CAPN5: variants seen among roughly 807,000 people sequenced by gnomAD.
CAPN5 encodes the protein calpain-5.
Under a neutral mutation model 73.0 loss-of-function variants are expected in CAPN5, and 54 were observed. That is an observed-to-expected ratio of 0.74 (90% CI 0.59 to 0.93). The LOEUF (loss-of-function observed/expected upper bound fraction) is 0.93, where lower values mean the gene tolerates loss of function less well. Ranked by LOEUF, CAPN5 falls within the 40% of genes least tolerant of loss-of-function variation. The pLI, the probability that CAPN5 is intolerant of heterozygous loss-of-function variation, is 0.00. For synonymous variants in CAPN5, 335 were observed against 356.9 expected (o/e 0.94, Z 0.69); for missense variants, 785 against 882.9 (o/e 0.89, Z 1.41).
chr11:77,122,653 G>C lies in CAPN5; in HGVS notation c.1681G>C (p.Glu561Gln). The change falls in exon 12 of 13, where the codon GAG becomes CAG. Residue 561 changes from glutamate (E) to glutamine (Q), a missense_variant. Coordinates refer to ENST00000648180, the MANE Select transcript of CAPN5 (RefSeq NM_004055.5). ...SAVQKGTSTP[E>Q]YNVKGIFYRK... ...TGTGCAGAAGGGCACCTCCACACCA[G>C]AGTACAATGTGAAAGGCATCTTCTA... is the stretch of plus-strand genomic sequence containing the variant. 6.2e-7 allele frequency: 1 copy of C among 1,611,684 alleles called. No individual in the cohort carries two copies. Among genetic ancestry groups the C allele is most frequent in the Non-Finnish European group, 8.5e-7 (1 of 1,178,650 alleles).
chr11:77,119,445 G>C (rs1555042346), intron 9 of CAPN5: 2 of 397,048 alleles, frequency 5.0e-6, no homozygotes, highest in African/African-American at 4.0e-5. Flanking sequence ...CTGGTGGTTG[G>C]GGCCGGGCCC....
rs1173308317 is a variant in CAPN5, at chr11:77,115,535, C to A, written c.840C>A (p.Ile280=). 1 of 1,613,068 alleles carries A rather than the reference C, an allele frequency of 6.2e-7. No individual in the cohort carries two copies. Among genetic ancestry groups the A allele is most frequent in the Non-Finnish European group, 8.5e-7 (1 of 1,179,968 alleles). ...TCAAGTCAGAGAAGTTGGACATGATCCGCCTGCGCAACCCCTGGGGCGAGC... is the reference window on the plus strand; with the variant it reads ...TCAAGTCAGAGAAGTTGGACATGATACGCCTGCGCAACCCCTGGGGCGAGC... The part of the protein sequence containing the change: ...AFFKSEKLDM[I]RLRNPWGERE... Residue 280 remains isoleucine, a synonymous_variant, in exon 6 of 13, where the codon ATC becomes ATA. Transcript: ENST00000648180.
In CAPN5 at chr11:77,118,148, C is replaced by T. The variant is rs1555042048; in HGVS notation, c.972-9C>T. ...GGAGGTACCCTGCTCAGCCCCTCCC[C>T]ACATCCAGGATGACCTTCGAGGACG... On this transcript the variant is annotated splice_polypyrimidine_tract_variant and intron_variant, in intron 7 of 12. Transcript: ENST00000648180. 11 of 1,606,838 alleles carry T rather than the reference C, an allele frequency of 6.8e-6. 1 individual carries two copies. In the Admixed American group the frequency reaches 1.8e-4, roughly 27 times the overall value.
intron 8 of CAPN5, 55 bp from the exon 9 acceptor site, chr11:77,118,975 A>G (rs1950495473): frequency 2.6e-6 from 4 of 1,565,812 alleles, no homozygotes; most frequent in Non-Finnish European, 8.7e-7. Context: ...CAGCCAGCCC[A>G]TGCCTGGTGT....
At chr11:77,118,890 C>T (rs1424794775) in intron 8 of CAPN5, 140 bp from the exon 9 acceptor site, 1 of 927,360 alleles carries the variant, frequency 1.1e-6, no homozygotes, top group Non-Finnish European at 1.6e-6. Flanking sequence ...GGTAGGCCCA[C>T]CTCACAGCAG....
chr11:77,116,401 G>A (rs2135481045), intron 7 of CAPN5, 98 bp downstream of exon 7: 3 of 847,902 alleles, frequency 3.5e-6, no homozygotes, highest in Middle Eastern at 2.7e-4. Flanking sequence ...GGCCTCTCCT[G>A]CATGCCCCAT....
At chr11:77,073,211 T>G in intron 1 of CAPN5, 1 of 854,548 alleles carries the variant, frequency 1.2e-6, no homozygotes, top group Non-Finnish European at 1.7e-6. Context: ...GTTAAAACTG[T>G]GGTGAGCTGC....
At chr11:77,077,435 G>T (rs956044273) in intron 1 of CAPN5, among the ~76,000 whole-genome samples, 2 of 151,640 alleles carry the variant, frequency 1.3e-5, no homozygotes, top group African/African-American at 4.8e-5. Flanking sequence ...TCACACTTTT[G>T]TCTTTTTTAT....
At chr11:77,068,688 TTCTGCTC>T (rs1328608799) in intron 1 of CAPN5, among the ~76,000 whole-genome samples, 1 of 152,128 alleles carries the variant, frequency 6.6e-6, no homozygotes, top group African/African-American at 2.4e-5. Context: ...GGGCCCTCCC[TTCTGCTC>T]TCCTCTGCTC....
At position 77,102,915 on chromosome 11, in the gene CAPN5, C is replaced by A. The variant is rs2233546; in HGVS notation, c.297+9102C>A. The A allele has an allele frequency of 1.4e-4, 224 of 1,612,732 alleles. No individual in the cohort carries two copies. The African/African-American group carries it at 2.5e-3, about 18-fold the overall frequency. ...GGACCAGGGCCTGACCAGGCAGATG[C>A]GGCTACGCGTGGAGAGCCTGAAGCA... On this transcript the variant is annotated intron_variant, in intron 3 of 12. Coordinates refer to ENST00000648180, the MANE Select transcript of CAPN5 (RefSeq NM_004055.5).
chr11:77,102,772 C>G, intron 3 of CAPN5: 1 of 1,454,508 alleles, frequency 6.9e-7, no homozygotes, highest in South Asian at 1.4e-5. Context: ...TTGGTGGCCT[C>G]TTCTCTCCAC....
chr11:77,101,079 C>T (rs1000267923), intron 3 of CAPN5, among the ~76,000 whole-genome samples: 2 of 152,230 alleles, frequency 1.3e-5, no homozygotes, highest in East Asian at 1.9e-4. Flanking sequence ...GCTTGTGTCC[C>T]GTGGTCCATC....
At position 77,120,586 on chromosome 11, in the gene CAPN5, G is replaced by T. The variant is rs543852094; in HGVS notation, c.1291-127G>T. 18 of 630,496 alleles carry T rather than the reference G, an allele frequency of 2.9e-5. No individual in the cohort carries two copies. In the South Asian group the frequency reaches 3.0e-4, roughly 10 times the overall value. 39.1% of individuals were successfully genotyped at this position (630,496 alleles called of 1,614,324 possible). A position where few individuals can be genotyped will look rare whatever the true frequency, so the allele number is the denominator to read the frequency against. On this transcript the variant is annotated intron_variant, in intron 9 of 12. Transcript: ENST00000648180. Reference sequence around the variant, plus strand: ...AATCCGCTTCTGTTATTATAGATTTGCCTGTTCCGGACATTTCATATAAAG... The same window carrying T: ...AATCCGCTTCTGTTATTATAGATTTTCCTGTTCCGGACATTTCATATAAAG...
Position 77,075,926 on chromosome 11 carries a change from G to T in CAPN5, c.-36+8832G>T, listed in dbSNP as rs189524287. Among the ~76,000 whole-genome samples the T allele has an allele frequency of 2.2e-3, 332 of 152,106 alleles. 4 individuals carry two copies. The highest frequency in any genetic ancestry group is 7.5e-3 in the African/African-American group (312 of 41,494). ...CAGGCTTTGCTTGTCTTAAAAAAAT[G>T]GATTTTTTAAATAGATAAAAATTGT... is the stretch of plus-strand genomic sequence containing the variant. On this transcript the variant is annotated intron_variant, in intron 1 of 12. Transcript: ENST00000648180.
chr11:77,097,464 G>GTTTTTTTT lies in CAPN5; in HGVS notation c.297+3669_297+3676dup, dbSNP rs58077755. ...AAGGGGTTTCCTGTGTTTCCTTCTA[G>GTTTTTTTT]TTTTTTTTTTTTTTTTTTTTTTTTT... On this transcript the variant is annotated intron_variant, in intron 3 of 12. Transcript: ENST00000648180. Among the ~76,000 whole-genome samples, 130 of 79,722 alleles carry GTTTTTTTT rather than the reference G, an allele frequency of 1.6e-3. 1 individual carries two copies. The highest frequency in any genetic ancestry group is 2.4e-3 in the East Asian group (5 of 2,122). The allele number at this position is 79,722 out of a possible 152,430, so 52.3% of individuals were successfully genotyped here.
At chr11:77,089,072 A>G (rs752533212) in intron 2 of CAPN5, among the ~76,000 whole-genome samples, 8 of 152,164 alleles carry the variant, frequency 5.3e-5, no homozygotes, top group Non-Finnish European at 1.0e-4. Context: ...AAGCTTTGCT[A>G]AGCCTAGAAG....
chr11:77,102,318 C>T (rs1294475097), intron 3 of CAPN5, among the ~76,000 whole-genome samples: 3 of 152,030 alleles, frequency 2.0e-5, no homozygotes, highest in African/African-American at 7.3e-5. Context: ...GGGAGGCGGG[C>T]GTCAGGGGTA....
chr11:77,071,948 A>G (rs1369792692), intron 1 of CAPN5, among the ~76,000 whole-genome samples: 1 of 152,072 alleles, frequency 6.6e-6, no homozygotes, highest in Non-Finnish European at 1.5e-5. Context: ...CCCCTGTGTG[A>G]GTCTCCTTTC....
Position 77,117,190 on chromosome 11 carries a change from C to T in CAPN5, c.971+887C>T, listed in dbSNP as rs531568270. ...GGTTGAGTTTATAGTGAGCCATGATCGCACCACTGCACTCCATCCTGGGCT... is the reference window on the plus strand; with the variant it reads ...GGTTGAGTTTATAGTGAGCCATGATTGCACCACTGCACTCCATCCTGGGCT... On this transcript the variant is annotated intron_variant, in intron 7 of 12. Coordinates refer to ENST00000648180, the MANE Select transcript of CAPN5 (RefSeq NM_004055.5). 1.2e-4 allele frequency among the ~76,000 whole-genome samples: 18 copies of T among 152,134 alleles called. No individual in the cohort carries two copies. The South Asian group carries it at 3.5e-3, about 30-fold the overall frequency.
Sources: allele counts gnomAD v4.1 joint callset (sites outside exome capture counted in the v4.1 genomes callset), GRCh38; gene constraint gnomAD v4.1.1; transcripts MANE v1.5; gene names NCBI Gene and HGNC (gene_info 2026-07-23, HGNC 2026-07-21).